IL1RAPL1: variants seen among roughly 807,000 people sequenced by gnomAD.
IL1RAPL1 encodes the protein interleukin 1 receptor accessory protein like 1.
IL1RAPL1 carries 3 observed loss-of-function variants against 48.4 expected under a neutral mutation model. That is an observed-to-expected ratio of 0.06 (90% CI 0.03 to 0.16). IL1RAPL1 has a LOEUF of 0.16. Ranked by LOEUF, IL1RAPL1 falls within the 10% of genes least tolerant of loss-of-function variation. The pLI, the probability that IL1RAPL1 is intolerant of heterozygous loss-of-function variation, is 1.00. For synonymous variants in IL1RAPL1, 185 were observed against 187.7 expected, an observed-to-expected ratio of 0.99 and a Z score of 0.12; for missense variants, 349 against 530.6, an observed-to-expected ratio of 0.66 and a Z score of 3.36.
At chrX:29,150,441 T>C (rs1457448965) in intron 2 of IL1RAPL1, among the ~76,000 whole-genome samples, 1 of 111,119 alleles carries the variant, frequency 9.0e-6, no homozygotes, top group Non-Finnish European at 1.9e-5. Flanking sequence ...GAATTTCAGA[T>C]TGTTTAAATA....
At chrX:29,169,897 A>G (rs1929876003) in intron 2 of IL1RAPL1, among the ~76,000 whole-genome samples, 1 of 111,364 alleles carries the variant, frequency 9.0e-6, no homozygotes, top group Non-Finnish European at 1.9e-5. Context: ...TGTCCCTATA[A>G]TAATATTTAA....
At chrX:29,810,168 ATTAT>A (rs762849585) in intron 6 of IL1RAPL1, among the ~76,000 whole-genome samples, 8 of 109,138 alleles carry the variant, frequency 7.3e-5, no homozygotes, top group Non-Finnish European at 1.1e-4. Context: ...CCTTTTATGT[ATTAT>A]TTATTTATTT....
chrX:28,591,879 AG>A (rs1933911015), intron 1 of IL1RAPL1, among the ~76,000 whole-genome samples: 1 of 111,878 alleles, frequency 8.9e-6, no homozygotes, highest in Non-Finnish European at 1.9e-5. Flanking sequence ...ATTGCTCTAC[AG>A]AAAGGAGATA....
intron 6 of IL1RAPL1, among the ~76,000 whole-genome samples, chrX:29,887,998 A>G (rs1932201103): frequency 9.0e-6 from 1 of 111,601 alleles, no homozygotes; most frequent in Non-Finnish European, 1.9e-5. Context: ...ATAAACTCCT[A>G]ACACCCGATC....
At chrX:29,825,941 G>A (rs995752347) in intron 6 of IL1RAPL1, among the ~76,000 whole-genome samples, 1 of 110,674 alleles carries the variant, frequency 9.0e-6, no homozygotes, top group South Asian at 3.9e-4. Context: ...TTGTTTTCAC[G>A]GTGTCCCTAC....
At chrX:29,699,896 A>T (rs1027670463) in intron 6 of IL1RAPL1, among the ~76,000 whole-genome samples, 1 of 112,441 alleles carries the variant, frequency 8.9e-6, no homozygotes, top group African/African-American at 3.2e-5. Context: ...TTTTAAAAAT[A>T]GAAATATGGT....
intron 1 of IL1RAPL1, among the ~76,000 whole-genome samples, chrX:28,674,695 T>G (rs902367507): frequency 2.7e-5 from 3 of 111,860 alleles, no homozygotes; most frequent in African/African-American, 9.7e-5. Flanking sequence ...TGAGAATTTT[T>G]ACGTTTTTTC....
intron 9 of IL1RAPL1, among the ~76,000 whole-genome samples, chrX:29,945,014 G>C (rs983078669): frequency 9.2e-6 from 1 of 109,240 alleles, no homozygotes; most frequent in African/African-American, 3.3e-5. Flanking sequence ...TTTCCACATT[G>C]AGTGCAGGAT....
chrX:28,655,667 A>C (rs907352847), intron 1 of IL1RAPL1, among the ~76,000 whole-genome samples: 1 of 112,257 alleles, frequency 8.9e-6, no homozygotes, highest in Non-Finnish European at 1.9e-5. Flanking sequence ...AGGCTAACAT[A>C]ATATTTGCTT....
chrX:29,066,007 T>A (rs1054730073), intron 2 of IL1RAPL1, among the ~76,000 whole-genome samples: 1 of 111,918 alleles, frequency 8.9e-6, no homozygotes, highest in Non-Finnish European at 1.9e-5. Flanking sequence ...TTTGTATTAA[T>A]ATATTAAACC....
At chrX:29,906,506 TATATATATATATA>T (rs1466230567) in intron 6 of IL1RAPL1, among the ~76,000 whole-genome samples, 1 of 52,945 alleles carries the variant, frequency 1.9e-5, no homozygotes, top group Non-Finnish European at 3.4e-5. Context: ...TATATATATA[TATATATATATATA>T]TATTTCTGTA....
At chrX:29,939,345 C>T (rs929738007) in intron 8 of IL1RAPL1, among the ~76,000 whole-genome samples, 2 of 111,733 alleles carry the variant, frequency 1.8e-5, no homozygotes, top group Non-Finnish European at 3.8e-5. Context: ...GCTTATTTCT[C>T]ACATTATATC....
intron 2 of IL1RAPL1, among the ~76,000 whole-genome samples, chrX:29,182,855 A>G (rs951621158): frequency 2.6e-4 from 29 of 111,683 alleles, no homozygotes; most frequent in African/African-American, 9.4e-4. Context: ...AGGTGGACTC[A>G]GTGTATTCAC....
At chrX:29,425,526 G>A (rs1292839775) in intron 5 of IL1RAPL1, among the ~76,000 whole-genome samples, 1 of 111,712 alleles carries the variant, frequency 9.0e-6, no homozygotes, top group Admixed American at 9.5e-5. Context: ...TCACAGGTCT[G>A]TGAAGTTTTT....
At position 29,711,069 on chromosome X, in the gene IL1RAPL1, T is replaced by TATACACAC. The variant is rs1555913970; in HGVS notation, c.778+42566_778+42567insTACACACA. ...GTGTGTGTGTGTGTGTGTGTGTGTA[T>TATACACAC]ACACACACACACACACACACAGATA... is the stretch of plus-strand genomic sequence containing the variant. On this transcript the variant is annotated intron_variant, in intron 6 of 10. Coordinates refer to ENST00000378993, the MANE Select transcript of IL1RAPL1 (RefSeq NM_014271.4). Among the ~76,000 whole-genome samples the TATACACAC allele has an allele frequency of 7.1e-3, 612 of 86,432 alleles. 5 individuals are homozygous for TATACACAC. Among genetic ancestry groups the TATACACAC allele is most frequent in the Middle Eastern group, 0.012 (2 of 164 alleles). The allele number at this position is 86,432 out of a possible 115,157, so 75.1% of individuals were successfully genotyped here. A position where few individuals can be genotyped will look rare whatever the true frequency, so the allele number is the denominator to read the frequency against.
chrX:29,265,170 C>G (rs774147822), intron 2 of IL1RAPL1, among the ~76,000 whole-genome samples: 1 of 111,195 alleles, frequency 9.0e-6, no homozygotes, highest in South Asian at 3.8e-4. Flanking sequence ...ACCTCGGCCT[C>G]CCAAAGTGCT....
chrX:29,397,103 G>C (rs1407584083), intron 4 of IL1RAPL1, among the ~76,000 whole-genome samples: 2 of 112,044 alleles, frequency 1.8e-5, no homozygotes, highest in Non-Finnish European at 3.8e-5. Flanking sequence ...TTTTAAGCTT[G>C]TTTATACAAT....
chrX:28,650,524 G>A lies in IL1RAPL1; in HGVS notation c.-25+62477G>A, dbSNP rs941091301. Among the ~76,000 whole-genome samples, 10 of 111,565 alleles carry A rather than the reference G, an allele frequency of 9.0e-5. No individual in the cohort carries two copies. In the South Asian group the frequency reaches 2.3e-3, roughly 25 times the overall value. On this transcript the variant is annotated intron_variant, in intron 1 of 10. Transcript: ENST00000378993. ...CAATTACCTCCCACCATGTCCCTCC[G>A]ACAACGTGGGAATTCAAGATGAGAT...
intron 2 of IL1RAPL1, among the ~76,000 whole-genome samples, chrX:28,815,995 A>G (rs1266717188): frequency 2.0e-5 from 2 of 102,392 alleles, no homozygotes; most frequent in Non-Finnish European, 4.0e-5. Flanking sequence ...TCTTTGATAT[A>G]TTGATTTTAT....
Sources: gnomAD v4.1 joint callset for allele counts (sites outside exome capture counted in the v4.1 genomes callset) on GRCh38, gnomAD v4.1.1 for gene constraint, MANE v1.5 for transcripts, NCBI Gene and HGNC (gene_info 2026-07-23, HGNC 2026-07-21) for gene names.